Variants in HDX observed in about 807,000 individuals in gnomAD.
The protein encoded by HDX is highly divergent homeobox.
In HDX, 19 loss-of-function variants were observed where a neutral mutation model predicts 45.2. The ratio of observed to expected loss-of-function variants is 0.42; its 90% CI spans 0.29 to 0.62. HDX has a LOEUF of 0.62. Among genes scored for constraint, HDX ranks in the 20% least tolerant of loss-of-function variants. The probability of loss-of-function intolerance (pLI) is 0.20; values close to 1 mark genes in which losing one functional copy is unlikely to be tolerated. For synonymous variants in HDX, 188 were observed against 172.8 expected, an observed-to-expected ratio of 1.09 and a Z score of -0.69; for missense variants, 532 against 493.9, an observed-to-expected ratio of 1.08 and a Z score of -0.73.
At chrX:84,403,884 CACTT>C (rs1176046370) in intron 5 of HDX, 2 of 111,634 alleles carry the variant, frequency 1.8e-5, no homozygotes, top group Admixed American at 9.6e-5. Flanking sequence ...ACCAGGTACA[CACTT>C]ACTAAGTCAG....
chrX:84,459,459 AAAG>A (rs2040190826), intron 4 of HDX, among the ~76,000 whole-genome samples: 1 of 110,961 alleles, frequency 9.0e-6, no homozygotes. Context: ...AAAAAGAAAA[AAAG>A]AAAAGAAAAG....
At chrX:84,409,495 T>A (rs2147980457) in intron 5 of HDX, among the ~76,000 whole-genome samples, 1 of 109,287 alleles carries the variant, frequency 9.2e-6, no homozygotes, top group African/African-American at 3.3e-5. Flanking sequence ...AATGATAGAC[T>A]GGATTAAGAA....
intron 6 of HDX, among the ~76,000 whole-genome samples, chrX:84,353,163 A>G (rs1214335911): frequency 8.9e-6 from 1 of 112,137 alleles, no homozygotes; most frequent in Non-Finnish European, 1.9e-5. Context: ...CCTCAAAACT[A>G]GAAGGCACTA....
chrX:84,390,022 C>T (rs1414499571), intron 5 of HDX, among the ~76,000 whole-genome samples: 2 of 110,664 alleles, frequency 1.8e-5, no homozygotes, highest in African/African-American at 6.6e-5. Flanking sequence ...GCAGGGTTTC[C>T]AGCTTCCTCC....
intron 5 of HDX, among the ~76,000 whole-genome samples, chrX:84,389,842 T>C (rs2038402328): frequency 9.0e-6 from 1 of 110,503 alleles, no homozygotes; most frequent in Non-Finnish European, 1.9e-5. Flanking sequence ...ACTTGTTCCA[T>C]GGGAAGATTC....
chrX:84,485,093 T>C (rs2040763829), intron 2 of HDX, among the ~76,000 whole-genome samples: 1 of 112,040 alleles, frequency 8.9e-6, no homozygotes, highest in Admixed American at 9.5e-5. Context: ...AATTTCATTA[T>C]GATTAGAGAA....
At chrX:84,496,810 T>C (rs1182140737) in intron 1 of HDX, among the ~76,000 whole-genome samples, 1 of 111,893 alleles carries the variant, frequency 8.9e-6, no homozygotes, top group African/African-American at 3.2e-5. Flanking sequence ...ATGTAATATT[T>C]CCCACTATTA....
At chrX:84,439,485 A>G (rs189356645) in intron 5 of HDX, among the ~76,000 whole-genome samples, 1 of 111,275 alleles carries the variant, frequency 9.0e-6, no homozygotes, top group East Asian at 2.8e-4. Flanking sequence ...GCCAAAGCCA[A>G]TGTTGAGCAG....
At chrX:84,438,439 T>A (rs963404138) in intron 5 of HDX, among the ~76,000 whole-genome samples, 1 of 110,742 alleles carries the variant, frequency 9.0e-6, no homozygotes, top group Non-Finnish European at 1.9e-5. Flanking sequence ...AGTGTACATG[T>A]GCATGAGTAA....
rs1346768704 is a variant in HDX, at chrX:84,341,213, TG to T, written c.1660+3036del. ...TCAGCAGGCTCTAAAACACCAGTCA[TG>T]AGTCACTGGGAATATCCAAGTATCT... On this transcript the variant is annotated intron_variant, in intron 7 of 10. Coordinates refer to ENST00000373177, the MANE Select transcript of HDX (RefSeq NM_001177479.2). Among the ~76,000 whole-genome samples, 42 of 110,882 alleles carry T rather than the reference TG, an allele frequency of 3.8e-4. No homozygotes were observed. In the Admixed American group the frequency reaches 4.1e-3, roughly 11 times the overall value.
Position 84,320,400 on chromosome X carries a change from T to C in HDX, c.*1489A>G, listed in dbSNP as rs751723199. ...GTGGGAGCTTACCTATTTGTGTGTG[T>C]GGGAGGATGGGACACTTCAAGGGTA... On this transcript the variant is annotated 3_prime_UTR_variant, in exon 11 of 11. Transcript: ENST00000373177. 2 of 110,633 alleles carry C rather than the reference T, an allele frequency of 1.8e-5. No homozygotes were observed. Among genetic ancestry groups the C allele is most frequent in the Admixed American group, 9.6e-5 (1 of 10,419 alleles). 9.1% of individuals were successfully genotyped at this position (110,633 alleles called of 1,213,427 possible).
chrX:84,499,036 T>C (rs1426118703), intron 1 of HDX, among the ~76,000 whole-genome samples: 1 of 112,011 alleles, frequency 8.9e-6, no homozygotes, highest in Non-Finnish European at 1.9e-5. Flanking sequence ...AAATATGTTT[T>C]CTCATTTGTA....
intron 5 of HDX, among the ~76,000 whole-genome samples, chrX:84,412,557 T>C (rs2039013018): frequency 8.9e-6 from 1 of 111,732 alleles, no homozygotes; most frequent in Non-Finnish European, 1.9e-5. Flanking sequence ...CTGGTTGAGT[T>C]CCCTTTGTAG....
At chrX:84,373,958 G>T (rs1451874393) in intron 5 of HDX, among the ~76,000 whole-genome samples, 1 of 72,952 alleles carries the variant, frequency 1.4e-5, no homozygotes, top group East Asian at 4.0e-4. Flanking sequence ...AGGAAAAGAG[G>T]AAGTCAAATT....
chrX:84,415,527 A>G (rs892855877), intron 5 of HDX, among the ~76,000 whole-genome samples: 1 of 111,958 alleles, frequency 8.9e-6, no homozygotes, highest in Non-Finnish European at 1.9e-5. Flanking sequence ...CCAGCTCAGC[A>G]GATTCCCTTC....
chrX:84,436,430 AT>A (rs1034582048), intron 5 of HDX, among the ~76,000 whole-genome samples: 10 of 110,616 alleles, frequency 9.0e-5, no homozygotes, highest in African/African-American at 1.6e-4. Flanking sequence ...TGATTATTTG[AT>A]TTTTTTTCTA....
intron 5 of HDX, among the ~76,000 whole-genome samples, chrX:84,372,931 C>A (rs901722438): frequency 3.6e-5 from 4 of 111,625 alleles, no homozygotes; most frequent in Admixed American, 9.5e-5. Flanking sequence ...ATTATAATTA[C>A]TTTGAAAATG....
intron 1 of HDX, among the ~76,000 whole-genome samples, chrX:84,501,824 T>C (rs746713196): frequency 3.6e-4 from 40 of 111,423 alleles, no homozygotes; most frequent in African/African-American, 1.3e-3. Context: ...CAGCCCCACC[T>C]CTTCCAGTGA....
At chrX:84,435,159 T>C (rs1387699587) in intron 5 of HDX, among the ~76,000 whole-genome samples, 1 of 111,402 alleles carries the variant, frequency 9.0e-6, no homozygotes, top group Non-Finnish European at 1.9e-5. Context: ...CCATTTCATT[T>C]AGTTCTCTGA....
Sources: allele counts gnomAD v4.1 joint callset (sites outside exome capture counted in the v4.1 genomes callset), GRCh38; gene constraint gnomAD v4.1.1; transcripts MANE v1.5; gene names NCBI Gene and HGNC (gene_info 2026-07-23, HGNC 2026-07-21).